SLC44A2: variants seen among roughly 807,000 people sequenced by gnomAD.
SLC44A2 encodes choline transporter-like protein 2.
SLC44A2 carries 57 observed loss-of-function variants against 90.8 expected under a neutral mutation model. That is an observed-to-expected ratio of 0.63 (90% CI 0.51 to 0.78). The LOEUF is 0.78. SLC44A2 is among the 30% of genes least tolerant of loss of function. The probability of loss-of-function intolerance (pLI) is 0.00; values close to 1 mark genes in which losing one functional copy is unlikely to be tolerated. For synonymous variants in SLC44A2, 355 were observed against 360.7 expected (o/e 0.98, Z 0.18); for missense variants, 794 against 919.7 (o/e 0.86, Z 1.77).
In SLC44A2 at chr19:10,625,611, G is replaced by T; in HGVS notation, c.-23G>T. 8.0e-7 allele frequency: 1 copy of T among 1,244,126 alleles called. No homozygotes were observed. The highest frequency in any genetic ancestry group is 3.8e-5 in the South Asian group (1 of 26,100). The allele number at this position is 1,244,126 out of a possible 1,614,324, so 77.1% of individuals were successfully genotyped here. A position where few individuals can be genotyped will look rare whatever the true frequency, so the allele number is the denominator to read the frequency against. ...GGCGCGGGAGAGAGCGCGGGCGGCC[G>T]CCGGGGCTGGTCGCCTGCAGGGATG... On this transcript the variant is annotated 5_prime_UTR_variant, in exon 1 of 22. Transcript: ENST00000335757.
intron 1 of SLC44A2, among the ~76,000 whole-genome samples, chr19:10,616,275 GGCTGGAGTGCAGT>G (rs1196077557): frequency 6.6e-6 from 1 of 152,112 alleles, no homozygotes; most frequent in Non-Finnish European, 1.5e-5. Flanking sequence ...CTGTTTCCCA[GGCTGGAGTGCAGT>G]GGGGCAATCT....
intron 14 of SLC44A2, chr19:10,636,048 A>T: frequency 2.2e-6 from 1 of 452,480 alleles, no homozygotes; most frequent in Non-Finnish European, 3.9e-6. Context: ...AAGTGCTGGG[A>T]TTACAGGTGT....
chr19:10,642,819 T>C, intron 21 of SLC44A2: 2 of 1,477,048 alleles, frequency 1.4e-6, no homozygotes, highest in Non-Finnish European at 1.8e-6. Context: ...CTGGCTTCCC[T>C]GTTCTTCCCT....
intron 2 of SLC44A2, 87 bp from the exon 3 acceptor site, chr19:10,627,635 A>G (rs2066947687): frequency 2.2e-6 from 3 of 1,395,062 alleles, no homozygotes; most frequent in Non-Finnish European, 2.0e-6. Flanking sequence ...CAAATAACAC[A>G]TGGATGAGGG....
Position 10,631,136 on chromosome 19 carries a change from C to T in SLC44A2, c.325C>T (p.Pro109Ser), listed in dbSNP as rs200300263. 6.2e-7 allele frequency: 1 copy of T among 1,613,684 alleles called. No homozygotes were observed. Among genetic ancestry groups the T allele is most frequent in the African/African-American group, 1.3e-5 (1 of 75,014 alleles). ...LVLLEFQCPT[P>S]QICVEKCPDR... Reference sequence around the variant, plus strand: ...TCTGCTGGAATTCCAATGTCCCACTCCCCAGGTAACCTGGTCCCCACCGTT... The same window carrying T: ...TCTGCTGGAATTCCAATGTCCCACTTCCCAGGTAACCTGGTCCCCACCGTT... The change falls in exon 5 of 22, where the codon CCC (proline) becomes TCC (serine). Residue 109 changes from proline (P) to serine (S), a missense_variant. By Grantham distance (74) the Pro-to-Ser change is moderately conservative. Around this residue, in one of 3 missense-constraint regions of SLC44A2, gnomAD observed 738 missense variants for 841.1 expected, o/e 0.88. Transcript: ENST00000335757.
At position 10,627,388 on chromosome 19, in the gene SLC44A2, T is replaced by TA. The variant is rs963623700; in HGVS notation, c.87-324dup. Among the ~76,000 whole-genome samples the TA allele has an allele frequency of 5.0e-4, 73 of 146,102 alleles. 1 individual carries two copies. Among genetic ancestry groups the TA allele is most frequent in the Non-Finnish European group, 6.9e-4 (46 of 66,254 alleles). On this transcript the variant is annotated intron_variant, in intron 2 of 21. Coordinates refer to ENST00000335757, the MANE Select transcript of SLC44A2 (RefSeq NM_020428.4). ...TTGTCTCTACAGAATGTATATAAAT[T>TA]AAAAAAAAAATGTGTGGTGGTGTGC...
intron 12 of SLC44A2, 41 bp from the exon 13 acceptor site, chr19:10,635,122 G>A (rs1191775324): frequency 1.2e-6 from 2 of 1,613,730 alleles, no homozygotes; most frequent in East Asian, 2.2e-5. Context: ...CCCTAGAGTT[G>A]TGTCTTTTGC....
At chr19:10,616,115 G>T (rs1486184184) in intron 1 of SLC44A2, among the ~76,000 whole-genome samples, 1 of 151,436 alleles carries the variant, frequency 6.6e-6, no homozygotes, top group East Asian at 1.9e-4. Context: ...TTTCCAGCCT[G>T]GGTGACAGTG....
At position 10,642,449 on chromosome 19, in the gene SLC44A2, T is replaced by A; in HGVS notation, c.2012T>A (p.Phe671Tyr). 6.2e-7 allele frequency: 1 copy of A among 1,614,060 alleles called. No homozygotes were observed. The highest frequency in any genetic ancestry group is 8.5e-7 in the Non-Finnish European group (1 of 1,179,944). Residue 671 changes from phenylalanine (F) to tyrosine (Y), a missense_variant and splice_region_variant, in exon 21 of 22, where the codon TTC becomes TAC. Around this residue, in one of 3 missense-constraint regions of SLC44A2, gnomAD observed 44 missense variants for 43.9 expected, o/e 1.00. Transcript: ENST00000335757. ...TGTGTGGACACGCTGTTCCTCTGCT[T>A]CTGTGAGTGACCCCTCACCCCAAAC... ...GMCVDTLFLC[F>Y]LEDLERNDGS... is the part of the protein sequence containing the mutation.
chr19:10,621,704 C>T (rs1005037729), upstream of SLC44A2, among the ~76,000 whole-genome samples: 4 of 152,040 alleles, frequency 2.6e-5, no homozygotes, highest in Non-Finnish European at 1.5e-5. Flanking sequence ...CTGCAACCTC[C>T]GCTTCCCAGG....
At chr19:10,639,569 G>A (rs529449471) in intron 20 of SLC44A2, among the ~76,000 whole-genome samples, 9 of 152,114 alleles carry the variant, frequency 5.9e-5, no homozygotes, top group South Asian at 2.1e-4. Context: ...TGGGGCTGAC[G>A]TGGAAGGAGT....
rs2067046176 is a variant in SLC44A2, at chr19:10,635,631, G to T, written c.1233+116G>T. The T allele has an allele frequency of 1.3e-5, 12 of 906,730 alleles. No individual in the cohort carries two copies. The South Asian group carries it at 1.6e-4, about 12-fold the overall frequency. 56.2% of individuals were successfully genotyped at this position (906,730 alleles called of 1,614,324 possible). On this transcript the variant is annotated intron_variant, in intron 14 of 21. Transcript: ENST00000335757. ...ACAATTGGCCCCTGTTGCATGTCCT[G>T]TGCTAGGTGTGGGGGAGGACGCACA... is the stretch of plus-strand genomic sequence containing the variant.
In SLC44A2 at chr19:10,638,617, G is replaced by A. The variant is rs140466896; in HGVS notation, c.1929+302G>A. Among the ~76,000 whole-genome samples the A allele has an allele frequency of 1.7e-3, 264 of 151,312 alleles. 1 individual carries two copies. The highest frequency in any genetic ancestry group is 6.2e-3 in the African/African-American group (255 of 41,212). ...CTGCCCCCACACCTGCCTAATTTTT[G>A]TATATTTATTTTTTAATTTTAATTT... On this transcript the variant is annotated intron_variant, in intron 20 of 21. Coordinates refer to ENST00000335757, the MANE Select transcript of SLC44A2 (RefSeq NM_020428.4).
At chr19:10,608,039 G>A (rs941361481) in intron 1 of SLC44A2, among the ~76,000 whole-genome samples, 11 of 151,730 alleles carry the variant, frequency 7.2e-5, no homozygotes, top group African/African-American at 1.9e-4. Context: ...GAGCCACTGC[G>A]CCCAGCCACC....
At chr19:10,611,011 TA>T (rs935379383) in intron 1 of SLC44A2, among the ~76,000 whole-genome samples, 20 of 151,696 alleles carry the variant, frequency 1.3e-4, no homozygotes, top group African/African-American at 2.9e-4. Flanking sequence ...ATTTTTAATT[TA>T]AAAAAAAATT....
chr19:10,635,794 T>A (rs1281816435), intron 14 of SLC44A2: 65 of 318,958 alleles, frequency 2.0e-4, no homozygotes, highest in Admixed American at 1.2e-3. Flanking sequence ...TTTTTTTTTT[T>A]AATAAGACAG....
intron 1 of SLC44A2, 94 bp downstream of exon 1, chr19:10,625,764 AG>A: frequency 9.2e-7 from 1 of 1,092,588 alleles, no homozygotes; most frequent in South Asian, 4.2e-5. Context: ...AGGGGGCTGG[AG>A]GGGGAGCGCA....
At chr19:10,615,441 G>C (rs1039181545) in intron 1 of SLC44A2, among the ~76,000 whole-genome samples, 2 of 152,040 alleles carry the variant, frequency 1.3e-5, no homozygotes, top group African/African-American at 4.8e-5. Flanking sequence ...AGGCATGGTG[G>C]CTCACACCTG....
At chr19:10,642,971 T>G in intron 21 of SLC44A2, 1 of 1,588,562 alleles carries the variant, frequency 6.3e-7, no homozygotes, top group Non-Finnish European at 8.5e-7. Flanking sequence ...AGACATCCTG[T>G]TGAAGGGGAG....
Sources: allele counts gnomAD v4.1 joint callset (sites outside exome capture counted in the v4.1 genomes callset), GRCh38; gene constraint gnomAD v4.1.1; regional missense constraint gnomAD v4.1.1; transcripts MANE v1.5; gene names NCBI Gene and HGNC (gene_info 2026-07-23, HGNC 2026-07-21).